The following TTC23 variants were observed in gnomAD, a reference collection of about 807,000 sequenced individuals.
TTC23 encodes the protein tetratricopeptide repeat protein 23.
In TTC23, 58 loss-of-function variants were observed where a neutral mutation model predicts 55.1. The ratio of observed to expected loss-of-function variants is 1.05; its 90% CI spans 0.85 to 1.31. The LOEUF is 1.31. TTC23 is among the 50% of genes most tolerant of loss of function. The pLI is 0.00. For missense variants in TTC23, 516 were observed against 534.4 expected (o/e 0.97, Z 0.34); for synonymous variants, 203 against 199.9 (o/e 1.02, Z -0.13).
chr15:99,207,174 C>T (rs2076691549), intron 8 of TTC23, among the ~76,000 whole-genome samples: 1 of 151,930 alleles, frequency 6.6e-6, no homozygotes, highest in South Asian at 2.1e-4. Flanking sequence ...CTAATATATA[C>T]ACAAATAAGA....
At chr15:99,219,092 A>G (rs759993159) in intron 6 of TTC23, 44 bp from the exon 7 acceptor site, 8 of 1,605,732 alleles carry the variant, frequency 5.0e-6, no homozygotes, top group South Asian at 3.3e-5. Flanking sequence ...TATCATCTCA[A>G]CTGGACAGGA....
chr15:99,184,047 GGTGT>G (rs2074429879), intron 9 of TTC23, among the ~76,000 whole-genome samples: 1 of 152,196 alleles, frequency 6.6e-6, no homozygotes, highest in Non-Finnish European at 1.5e-5. Flanking sequence ...GCTTCCATGA[GGTGT>G]TGAGCTTGCA....
chr15:99,179,241 C>T (rs1017856637), intron 9 of TTC23, among the ~76,000 whole-genome samples: 1 of 152,188 alleles, frequency 6.6e-6, no homozygotes, highest in Admixed American at 6.5e-5. Flanking sequence ...ACCTCATCAT[C>T]GCCCACTCTG....
intron 10 of TTC23, among the ~76,000 whole-genome samples, chr15:99,174,479 C>A (rs180785012): frequency 8.2e-5 from 12 of 146,162 alleles, no homozygotes; most frequent in Admixed American, 1.4e-4. Flanking sequence ...AAAAAAAAAT[C>A]ATTAGTACTA....
intron 11 of TTC23, chr15:99,158,894 G>C (rs1055699583): frequency 6.6e-6 from 1 of 152,444 alleles, no homozygotes; most frequent in African/African-American, 2.4e-5. Context: ...AACAGCATGA[G>C]ACTGCCATGT....
rs1405209741 is a variant in TTC23 at position 99,154,674 on chromosome 15, G to T, written c.1143+1474C>A. Among the ~76,000 whole-genome samples, 7 of 152,142 alleles carry T rather than the reference G, an allele frequency of 4.6e-5. No individual in the cohort carries two copies. The South Asian group carries it at 1.5e-3, about 32-fold the overall frequency. On this transcript the variant is annotated intron_variant, in intron 12 of 13. Coordinates refer to ENST00000394132, the MANE Select transcript of TTC23 (RefSeq NM_001288615.3). ...GTAGTGTGAAATAAGTTTATTTATT[G>T]TGATTTATTTAAATGATCTAAGAAG...
At chr15:99,229,066 A>G (rs1023802868) in intron 4 of TTC23, among the ~76,000 whole-genome samples, 1 of 114,024 alleles carries the variant, frequency 8.8e-6, no homozygotes, top group Non-Finnish European at 1.9e-5. Flanking sequence ...TAGCACATAC[A>G]TATGTATTTG....
chr15:99,236,703 A>G (rs1478619803), intron 3 of TTC23, among the ~76,000 whole-genome samples: 1 of 151,892 alleles, frequency 6.6e-6, no homozygotes, highest in Admixed American at 6.6e-5. Flanking sequence ...CCCACTTTTT[A>G]ATTGTTTTTG....
chr15:99,223,885 C>G (rs930041189), intron 5 of TTC23, among the ~76,000 whole-genome samples: 1 of 152,150 alleles, frequency 6.6e-6, no homozygotes, highest in Non-Finnish European at 1.5e-5. Context: ...ATAGTCAGAA[C>G]AGCAAGAGAG....
At chr15:99,197,540 G>A (rs755505171) in intron 9 of TTC23, among the ~76,000 whole-genome samples, 4 of 152,076 alleles carry the variant, frequency 2.6e-5, no homozygotes, top group Admixed American at 6.5e-5. Context: ...ATCAGGCACT[G>A]TGCTAAGCTC....
At chr15:99,182,136 T>C (rs867946321) in intron 9 of TTC23, among the ~76,000 whole-genome samples, 2 of 151,964 alleles carry the variant, frequency 1.3e-5, no homozygotes, top group Non-Finnish European at 2.9e-5. Flanking sequence ...AAATTAAAAA[T>C]ACTCCTTCCC....
intron 3 of TTC23, among the ~76,000 whole-genome samples, chr15:99,237,487 G>C (rs183495839): frequency 6.6e-6 from 1 of 152,256 alleles, no homozygotes; most frequent in Non-Finnish European, 1.5e-5. Context: ...AATATGTTGC[G>C]ACATGAATAA....
chr15:99,202,542 T>G (rs2076284096), intron 8 of TTC23, among the ~76,000 whole-genome samples: 1 of 152,238 alleles, frequency 6.6e-6, no homozygotes. Flanking sequence ...AAAAAATTCC[T>G]TCTTTCCTGA....
chr15:99,215,639 A>G (rs2077418396), intron 8 of TTC23, among the ~76,000 whole-genome samples: 2 of 152,034 alleles, frequency 1.3e-5, no homozygotes, highest in Non-Finnish European at 2.9e-5. Context: ...CAAGCTACTC[A>G]GGAGGCTGAG....
intron 10 of TTC23, among the ~76,000 whole-genome samples, chr15:99,166,645 A>T (rs539484716): frequency 9.3e-4 from 142 of 152,176 alleles, no homozygotes; most frequent in Non-Finnish European, 1.5e-3. Flanking sequence ...CCTGCCTGGG[A>T]ATCTGCCTTC....
At chr15:99,251,134 A>C (rs56315393), upstream of TTC23, 65,688 of 151,980 alleles carry the variant, frequency 0.43, 14,290 homozygotes, top group Middle Eastern at 0.6. Flanking sequence ...CGGTTCCCGA[A>C]GTTGGAGCCG....
chr15:99,172,520 C>T (rs2073081877), intron 10 of TTC23, among the ~76,000 whole-genome samples: 1 of 152,162 alleles, frequency 6.6e-6, no homozygotes, highest in South Asian at 2.1e-4. Context: ...AAGTGCCAGA[C>T]CCTATAACAT....
intron 11 of TTC23, chr15:99,159,977 G>C (rs1567356302): frequency 6.6e-6 from 1 of 152,480 alleles, no homozygotes; most frequent in Non-Finnish European, 1.5e-5. Context: ...TAGATGGAGT[G>C]GGGCATGAGG....
intron 8 of TTC23, among the ~76,000 whole-genome samples, chr15:99,213,015 C>T (rs1411359730): frequency 1.7e-5 from 2 of 119,336 alleles, no homozygotes; most frequent in South Asian, 5.7e-4. Context: ...AAGGGGGGGA[C>T]ATAAATCCAA....
Sources: allele counts gnomAD v4.1 joint callset (sites outside exome capture counted in the v4.1 genomes callset), GRCh38; gene constraint gnomAD v4.1.1; transcripts MANE v1.5; gene names NCBI Gene and HGNC (gene_info 2026-07-23, HGNC 2026-07-21).